The following PIGF variants were observed in gnomAD, a reference collection of about 807,000 sequenced individuals.
The protein encoded by PIGF is GPI ethanolamine phosphate transferase, stabilizing subunit.
In PIGF, 23 loss-of-function variants were observed where a neutral mutation model predicts 26.0. The ratio of observed to expected loss-of-function variants is 0.88; its 90% CI spans 0.64 to 1.25. The LOEUF (loss-of-function observed/expected upper bound fraction) is 1.25. PIGF is among the 50% of genes most tolerant of loss of function. PIGF has a pLI of 0.00. For synonymous variants in PIGF, 93 were observed against 92.6 expected (o/e 1.00, Z -0.03); for missense variants, 278 against 249.9 (o/e 1.11, Z -0.76).
intron 4 of PIGF, among the ~76,000 whole-genome samples, chr2:46,595,598 C>A (rs1669858328): frequency 1.3e-5 from 2 of 152,146 alleles, no homozygotes; most frequent in Admixed American, 6.5e-5. Context: ...ATGTTTTCAT[C>A]TCTCTTGGGA....
At chr2:46,612,184 A>AT in intron 4 of PIGF, 44 bp downstream of exon 4, 1 of 596,320 alleles carries the variant, frequency 1.7e-6, no homozygotes, top group African/African-American at 1.9e-5. Context: ...TTCATTAATT[A>AT]TTTTTTAATT....
At chr2:46,592,402 A>T (rs1249371736) in intron 5 of PIGF, 73 bp downstream of exon 5, 6 of 790,300 alleles carry the variant, frequency 7.6e-6, no homozygotes, top group Non-Finnish European at 1.4e-5. Context: ...ACATATACAC[A>T]CTAGTTTGCT....
intron 4 of PIGF, among the ~76,000 whole-genome samples, chr2:46,594,579 AGGCT>A: frequency 6.6e-6 from 1 of 150,626 alleles, no homozygotes; most frequent in East Asian, 1.9e-4. Flanking sequence ...GTTGTTGCCC[AGGCT>A]GGAGTGTAAT....
chr2:46,609,210 T>C (rs142976950), intron 4 of PIGF, among the ~76,000 whole-genome samples: 42 of 152,374 alleles, frequency 2.8e-4, no homozygotes, highest in Middle Eastern at 3.4e-3. Context: ...GTGATGGCGA[T>C]GGCCTCTTTC....
intron 5 of PIGF, chr2:46,582,141 A>G (rs2104049478): frequency 6.5e-6 from 1 of 153,270 alleles, no homozygotes; most frequent in East Asian, 1.9e-4. Flanking sequence ...CAACTTATAT[A>G]CACACCTAGA....
Position 46,589,488 on chromosome 2 carries a change from G to C in PIGF, c.546+2987C>G, listed in dbSNP as rs1345104557. ...AATTAAAACATGTAGTAGATTTTGT[G>C]GGGTTTTGTGTGTGTGTGTGCATGT... On this transcript the variant is annotated intron_variant, in intron 5 of 5. Transcript: ENST00000281382. The surrounding 1 kb of genome is among the most constrained non-coding windows in gnomAD (Gnocchi z 4.7). 1.3e-5 allele frequency among the ~76,000 whole-genome samples: 2 copies of C among 151,876 alleles called. No homozygotes were observed. Among genetic ancestry groups the C allele is most frequent in the Admixed American group, 6.6e-5 (1 of 15,220 alleles).
rs754858821 is a variant in PIGF, at chr2:46,588,196, G to C, written c.546+4279C>G. ...TACTGTCATCTGAAATGTCAGACAG[G>C]ATTGAAAATTATGTGAAATCCAAAT... On this transcript the variant is annotated intron_variant, in intron 5 of 5. Coordinates refer to ENST00000281382, the MANE Select transcript of PIGF (RefSeq NM_002643.4). The surrounding 1 kb of genome is among the most constrained non-coding windows in gnomAD (Gnocchi z 4.1). The C allele has an allele frequency of 6.2e-7, 1 of 1,609,700 alleles. No homozygotes were observed. The highest frequency in any genetic ancestry group is 8.5e-7 in the Non-Finnish European group (1 of 1,178,344).
intron 4 of PIGF, among the ~76,000 whole-genome samples, chr2:46,608,189 T>C (rs566042661): frequency 2.7e-4 from 41 of 152,340 alleles, no homozygotes; most frequent in African/African-American, 9.4e-4. Context: ...GTTTATGCAA[T>C]ATCCTAAATC....
At chr2:46,614,466 T>C (rs1050896002) in intron 2 of PIGF, 12 of 156,924 alleles carry the variant, frequency 7.6e-5, no homozygotes, top group African/African-American at 2.9e-4. Context: ...CTGCAGTGAA[T>C]ATTCTGGAAA....
intron 4 of PIGF, among the ~76,000 whole-genome samples, chr2:46,596,848 T>C (rs1244691662): frequency 6.6e-6 from 1 of 152,186 alleles, no homozygotes; most frequent in East Asian, 1.9e-4. Context: ...AATAGTAATG[T>C]CTACGTTATG....
chr2:46,597,072 C>T (rs1669911505), intron 4 of PIGF, among the ~76,000 whole-genome samples: 1 of 152,154 alleles, frequency 6.6e-6, no homozygotes, highest in South Asian at 2.1e-4. Flanking sequence ...CTTCTCCCCG[C>T]TCCTTCCATC....
At chr2:46,610,526 C>CTTTTT (rs10690699) in intron 4 of PIGF, among the ~76,000 whole-genome samples, 19 of 110,310 alleles carry the variant, frequency 1.7e-4, no homozygotes, top group African/African-American at 5.1e-4. Flanking sequence ...GTACTGATTC[C>CTTTTT]TTTTTTTTTT....
intron 5 of PIGF, among the ~76,000 whole-genome samples, chr2:46,585,441 G>A (rs1324849949): frequency 6.6e-6 from 1 of 152,072 alleles, no homozygotes; most frequent in Non-Finnish European, 1.5e-5. Flanking sequence ...AAAATAAGTG[G>A]TACATCAGAT....
rs560539466 is a variant in PIGF at position 46,589,504 on chromosome 2, G to A, written c.546+2971C>T. On this transcript the variant is annotated intron_variant, in intron 5 of 5. Coordinates refer to ENST00000281382, the MANE Select transcript of PIGF (RefSeq NM_002643.4). This position sits in a 1 kb window ranked among gnomAD's most constrained non-coding sequence, Gnocchi z 4.7. ...AGATTTTGTGGGGTTTTGTGTGTGT[G>A]TGTGCATGTGTGTGTTTTTAAAGGT... Among the ~76,000 whole-genome samples the A allele has an allele frequency of 2.0e-5, 3 of 151,932 alleles. No individual in the cohort carries two copies. The highest frequency in any genetic ancestry group is 6.6e-5 in the Admixed American group (1 of 15,240).
rs192245997 is a variant in PIGF at position 46,601,498 on chromosome 2, T to C, written c.438-8915A>G. Among the ~76,000 whole-genome samples the C allele has an allele frequency of 1.8e-4, 27 of 152,222 alleles. No individual in the cohort carries two copies. The South Asian group carries it at 2.9e-3, about 16-fold the overall frequency. ...GTCATCAAAATAGTGTTTGTTTAAA[T>C]AGATTTAATTTTTTGAACTGCTAGT... is the stretch of plus-strand genomic sequence containing the variant. On this transcript the variant is annotated intron_variant, in intron 4 of 5. Coordinates refer to ENST00000281382, the MANE Select transcript of PIGF (RefSeq NM_002643.4).
intron 4 of PIGF, among the ~76,000 whole-genome samples, chr2:46,596,723 T>C (rs1010639031): frequency 2.0e-5 from 3 of 152,030 alleles, no homozygotes; most frequent in African/African-American, 4.8e-5. Flanking sequence ...TCTGCCTTCT[T>C]CTAAGGGAGA....
chr2:46,600,989 C>A (rs887427673), intron 4 of PIGF, among the ~76,000 whole-genome samples: 1 of 151,880 alleles, frequency 6.6e-6, no homozygotes, highest in African/African-American at 2.4e-5. Flanking sequence ...GATAGCATTA[C>A]TAGGATCTTT....
At chr2:46,596,828 C>T (rs1669903180) in intron 4 of PIGF, among the ~76,000 whole-genome samples, 1 of 152,170 alleles carries the variant, frequency 6.6e-6, no homozygotes, top group South Asian at 2.1e-4. Context: ...CTCCTCCTTT[C>T]AACCGAATCA....
chr2:46,584,767 A>AT (rs1669514685), intron 5 of PIGF, among the ~76,000 whole-genome samples: 1 of 152,086 alleles, frequency 6.6e-6, no homozygotes, highest in Non-Finnish European at 1.5e-5. Context: ...TAACCCTGTC[A>AT]TTTTTTTAAA....
Sources: allele counts gnomAD v4.1 joint callset (sites outside exome capture counted in the v4.1 genomes callset), GRCh38; gene constraint gnomAD v4.1.1; non-coding constraint Gnocchi (gnomAD v3.1); transcripts MANE v1.5; gene names NCBI Gene and HGNC (gene_info 2026-07-23, HGNC 2026-07-21).